The following GSAP variants were observed in gnomAD, a reference collection of about 807,000 sequenced individuals.
The protein encoded by GSAP is gamma-secretase-activating protein.
In GSAP, 118 loss-of-function variants were observed where a neutral mutation model predicts 131.7. The ratio of observed to expected loss-of-function variants is 0.90; its 90% CI spans 0.77 to 1.04. The LOEUF (loss-of-function observed/expected upper bound fraction) is 1.04, where lower values mean the gene tolerates loss of function less well. GSAP is among the 50% of genes least tolerant of loss of function. The probability of loss-of-function intolerance (pLI) is 0.00; values close to 1 mark genes in which losing one functional copy is unlikely to be tolerated. For synonymous variants in GSAP, 381 were observed against 363.4 expected (o/e 1.05, Z -0.55); for missense variants, 1,019 against 1,013.2 (o/e 1.01, Z -0.08).
chr7:77,416,494 TC>T (rs1804497667), upstream of GSAP: 1 of 408,168 alleles, frequency 2.4e-6, no homozygotes. Flanking sequence ...CACCAGCTCC[TC>T]CCGGCCGGCG....
intron 16 of GSAP, among the ~76,000 whole-genome samples, chr7:77,354,991 A>G (rs980178821): frequency 6.6e-6 from 1 of 152,196 alleles, no homozygotes; most frequent in Non-Finnish European, 1.5e-5. Flanking sequence ...TTTATTCCCA[A>G]TATGGAAAAG....
intron 1 of GSAP, among the ~76,000 whole-genome samples, chr7:77,408,035 G>T (rs1583937773): frequency 6.6e-6 from 1 of 152,254 alleles, no homozygotes; most frequent in East Asian, 1.9e-4. Flanking sequence ...TTCAATAATG[G>T]GCACAACTAA....
Position 77,349,917 on chromosome 7 carries a change from GC to G in GSAP, c.1492-514del, listed in dbSNP as rs997937782. Among the ~76,000 whole-genome samples, 5 of 152,046 alleles carry G rather than the reference GC, an allele frequency of 3.3e-5. No homozygotes were observed. The South Asian group carries it at 6.2e-4, about 19-fold the overall frequency. ...GTCCTCTGTAATTTCAGAGGTAGGA[GC>G]CCCCCATACCCAAAGGACTATAAAT... On this transcript the variant is annotated intron_variant, in intron 18 of 30. Coordinates refer to ENST00000257626, the MANE Select transcript of GSAP (RefSeq NM_017439.4).
At chr7:77,342,589 G>A (rs1791143447) in intron 19 of GSAP, among the ~76,000 whole-genome samples, 2 of 151,892 alleles carry the variant, frequency 1.3e-5, no homozygotes, top group Non-Finnish European at 2.9e-5. Flanking sequence ...TAATCCACAA[G>A]TATAGGACAT....
intron 24 of GSAP, 21 bp from the exon 25 acceptor site, chr7:77,321,424 A>G (rs1406171067): frequency 6.6e-7 from 1 of 1,519,452 alleles, no homozygotes; most frequent in South Asian, 1.1e-5. Context: ...AAGACAGTCC[A>G]TTAACCATTG....
chr7:77,330,977 T>C (rs577419413), intron 19 of GSAP: 1 of 435,766 alleles, frequency 2.3e-6, no homozygotes, highest in South Asian at 9.6e-5. Flanking sequence ...CAAGAATGTA[T>C]CCATTATATT....
At chr7:77,349,476 G>A (rs922602097) in intron 18 of GSAP, 72 bp from the exon 19 acceptor site, 2 of 1,319,378 alleles carry the variant, frequency 1.5e-6, no homozygotes, top group African/African-American at 2.9e-5. Context: ...CTTTCAGGGA[G>A]TGTTTTCTGC....
intron 6 of GSAP, among the ~76,000 whole-genome samples, chr7:77,386,255 T>G (rs1310496901): frequency 6.6e-6 from 1 of 152,240 alleles, no homozygotes; most frequent in Non-Finnish European, 1.5e-5. Context: ...GAACACTTCA[T>G]AGTCCACTTT....
chr7:77,318,609 G>T (rs1206087114), intron 26 of GSAP, among the ~76,000 whole-genome samples: 1 of 152,128 alleles, frequency 6.6e-6, no homozygotes, highest in Non-Finnish European at 1.5e-5. Context: ...ACACAATGGG[G>T]AAAGGATCGT....
chr7:77,324,388 TCTCTC>T (rs1228376152), intron 23 of GSAP, among the ~76,000 whole-genome samples: 1 of 152,198 alleles, frequency 6.6e-6, no homozygotes, highest in East Asian at 1.9e-4. Context: ...TTTGCTTTTC[TCTCTC>T]CTCCTCCCTC....
At chr7:77,350,893 T>C (rs921361516) in intron 18 of GSAP, among the ~76,000 whole-genome samples, 1 of 152,224 alleles carries the variant, frequency 6.6e-6, no homozygotes, top group Non-Finnish European at 1.5e-5. Context: ...AAGATTGCCT[T>C]TTATTCACTA....
chr7:77,354,799 TA>T (rs1414536399), intron 16 of GSAP, among the ~76,000 whole-genome samples: 1 of 152,094 alleles, frequency 6.6e-6, no homozygotes, highest in Non-Finnish European at 1.5e-5. Flanking sequence ...AAGTACTTAA[TA>T]AACTCTAATG....
chr7:77,366,791 C>T (rs570701383), intron 12 of GSAP, among the ~76,000 whole-genome samples: 1 of 152,270 alleles, frequency 6.6e-6, no homozygotes, highest in African/African-American at 2.4e-5. Flanking sequence ...ATAGGAATAG[C>T]ATTGAATCTG....
At chr7:77,328,335 C>A in intron 22 of GSAP, 1 of 1,212,392 alleles carries the variant, frequency 8.2e-7, no homozygotes, top group Non-Finnish European at 1.0e-6. Flanking sequence ...GAGGGCAGCT[C>A]TGTATGACAG....
intron 29 of GSAP, 60 bp from the exon 30 acceptor site, chr7:77,312,000 T>C: frequency 2.4e-6 from 3 of 1,243,524 alleles, no homozygotes; most frequent in Non-Finnish European, 3.6e-6. Flanking sequence ...AATTTTAAAA[T>C]AAAGTGATAA....
chr7:77,330,574 T>A, intron 19 of GSAP: 14 of 253,104 alleles, frequency 5.5e-5, no homozygotes, highest in Non-Finnish European at 7.5e-5. Flanking sequence ...TTTCTGTCTC[T>A]TTTTTTTTTT....
At chr7:77,314,252 G>C in intron 27 of GSAP, 118 bp downstream of exon 27, 1 of 955,220 alleles carries the variant, frequency 1.0e-6, no homozygotes, top group Non-Finnish European at 1.6e-6. Context: ...AAACTGAGCA[G>C]GGCACTCTTC....
intron 19 of GSAP, among the ~76,000 whole-genome samples, chr7:77,341,382 C>T (rs1312897715): frequency 1.3e-5 from 2 of 152,178 alleles, no homozygotes; most frequent in Admixed American, 6.5e-5. Context: ...CTTCTTCAGC[C>T]TCCACTATCC....
rs747919861 is a variant in GSAP, at chr7:77,360,806, G to C, written c.1027+18C>G. The stretch of plus-strand genomic sequence containing the variant: ...AACAAGTGTTCAGAGCAGGGGGTGT[G>C]ATCTCTCCATCACTCACCAAGGTTG... On this transcript the variant is annotated intron_variant, in intron 14 of 30. Coordinates refer to ENST00000257626, the MANE Select transcript of GSAP (RefSeq NM_017439.4). 6.6e-6 allele frequency: 9 copies of C among 1,361,336 alleles called. No individual in the cohort carries two copies. Among genetic ancestry groups the C allele is most frequent in the Non-Finnish European group, 9.5e-6 (9 of 951,222 alleles). The allele number at this position is 1,361,336 out of a possible 1,614,324, so 84.3% of individuals were successfully genotyped here.
Sources: allele counts gnomAD v4.1 joint callset (sites outside exome capture counted in the v4.1 genomes callset), GRCh38; gene constraint gnomAD v4.1.1; transcripts MANE v1.5; gene names NCBI Gene and HGNC (gene_info 2026-07-23, HGNC 2026-07-21).